Variants in HNF4A observed in about 807,000 individuals in gnomAD.
The protein encoded by HNF4A is hepatocyte nuclear factor 4 alpha.
Under a neutral mutation model 52.4 loss-of-function variants are expected in HNF4A, and 15 were observed. The observed-to-expected ratio is 0.29, with a 90% CI of 0.19 to 0.44. The LOEUF (loss-of-function observed/expected upper bound fraction) is 0.44, where lower values mean the gene tolerates loss of function less well. HNF4A is among the 20% of genes least tolerant of loss of function. The probability of loss-of-function intolerance (pLI) is 1.00; values close to 1 mark genes in which losing one functional copy is unlikely to be tolerated. For missense variants in HNF4A, 479 were observed against 647.2 expected (o/e 0.74, Z 2.82); for synonymous variants, 280 against 264.4 (o/e 1.06, Z -0.57).
At chr20:44,380,668 C>T (rs2063142469) in intron 1 of HNF4A, among the ~76,000 whole-genome samples, 1 of 152,116 alleles carries the variant, frequency 6.6e-6, no homozygotes, top group South Asian at 2.1e-4. Flanking sequence ...GGACATTAAC[C>T]CCTTATCAGA....
intron 1 of HNF4A, among the ~76,000 whole-genome samples, chr20:44,393,940 C>T (rs1260107351): frequency 1.3e-5 from 2 of 152,158 alleles, no homozygotes; most frequent in South Asian, 2.1e-4. Context: ...TGGTCTCAAA[C>T]TCTTGGGCTC....
intron 1 of HNF4A, among the ~76,000 whole-genome samples, chr20:44,361,310 G>C (rs1346956785): frequency 6.6e-6 from 1 of 152,104 alleles, no homozygotes; most frequent in Non-Finnish European, 1.5e-5. Context: ...GTTCAGTTGA[G>C]GTATGGAAAC....
intron 3 of HNF4A, 54 bp from the exon 4 acceptor site, chr20:44,413,640 C>A: frequency 7.5e-7 from 1 of 1,332,588 alleles, no homozygotes; most frequent in Non-Finnish European, 1.1e-6. Flanking sequence ...CAGACACCCC[C>A]ACCCCCTACT....
At chr20:44,381,790 T>C (rs1379259339) in intron 1 of HNF4A, among the ~76,000 whole-genome samples, 1 of 152,038 alleles carries the variant, frequency 6.6e-6, no homozygotes, top group East Asian at 1.9e-4. Context: ...TTTGTGTTTT[T>C]AGTAGAGACA....
In HNF4A at chr20:44,430,116, CT is replaced by C; in HGVS notation, c.*453del. 1 of 161,470 alleles carries C rather than the reference CT, an allele frequency of 6.2e-6. No individual in the cohort carries two copies. Among genetic ancestry groups the C allele is most frequent in the Non-Finnish European group, 1.3e-5 (1 of 74,304 alleles). The allele number at this position is 161,470 out of a possible 1,614,324, so 10.0% of individuals were successfully genotyped here. ...GGTCCAATTGTGGCACTTGGGGCAC[CT>C]TGCTCCTCCTTCTGCTGCTGCCCCC... On this transcript the variant is annotated 3_prime_UTR_variant, in exon 10 of 10. Transcript: ENST00000316099.
chr20:44,372,553 A>G (rs2063044356), intron 1 of HNF4A, among the ~76,000 whole-genome samples: 1 of 152,350 alleles, frequency 6.6e-6, no homozygotes, highest in African/African-American at 2.4e-5. Context: ...AGACATTCAC[A>G]TAAAACAATA....
At chr20:44,417,192 C>T (rs919137153) in intron 5 of HNF4A, among the ~76,000 whole-genome samples, 1 of 152,196 alleles carries the variant, frequency 6.6e-6, no homozygotes, top group Non-Finnish European at 1.5e-5. Flanking sequence ...GCTATGGAAC[C>T]TCCAAACTCC....
rs576913601 is a variant in HNF4A, at chr20:44,379,895, G to A, written c.49+24042G>A. Among the ~76,000 whole-genome samples, 22 of 152,104 alleles carry A rather than the reference G, an allele frequency of 1.4e-4. No homozygotes were observed. In the South Asian group the frequency reaches 2.5e-3, roughly 17 times the overall value. On this transcript the variant is annotated intron_variant, in intron 1 of 9. Coordinates refer to the HNF4A transcript ENST00000316673. The stretch of plus-strand genomic sequence containing the variant: ...ATTACAGATGCATGCCACCATGCCC[G>A]GCTAATTTTTGTATTTTTAGTAGAG...
Position 44,429,988 on chromosome 20 carries a change from A to G in HNF4A, c.*323A>G, listed in dbSNP as rs996009357. On this transcript the variant is annotated 3_prime_UTR_variant, in exon 10 of 10. Transcript: ENST00000316099. ...CATCCCAAAGGACAGCCGCCTGGAG[A>G]TGACTTGAGGCCTTACTTAAACCCA... 1 of 363,044 alleles carries G rather than the reference A, an allele frequency of 2.8e-6. No homozygotes were observed. The highest frequency in any genetic ancestry group is 5.8e-5 in the East Asian group (1 of 17,148). The allele number at this position is 363,044 out of a possible 1,614,324, so 22.5% of individuals were successfully genotyped here.
intron 6 of HNF4A, 57 bp from the exon 7 acceptor site, chr20:44,419,664 A>G: frequency 6.4e-7 from 1 of 1,569,480 alleles, no homozygotes; most frequent in South Asian, 1.1e-5. Flanking sequence ...CCAAAACTAG[A>G]GGAGAGGGGT....
intron 1 of HNF4A, among the ~76,000 whole-genome samples, chr20:44,403,201 C>G (rs905104174): frequency 6.6e-6 from 1 of 152,188 alleles, no homozygotes; most frequent in Non-Finnish European, 1.5e-5. Flanking sequence ...AGAGGCCAAG[C>G]CCCTGAACTG....
intron 1 of HNF4A, among the ~76,000 whole-genome samples, chr20:44,365,144 A>T (rs964260378): frequency 6.6e-5 from 10 of 152,136 alleles, no homozygotes; most frequent in African/African-American, 2.4e-4. Context: ...ACAATTTAAA[A>T]AAGTATCTTT....
chr20:44,380,394 A>T (rs1234158815), intron 1 of HNF4A, among the ~76,000 whole-genome samples: 2 of 152,090 alleles, frequency 1.3e-5, no homozygotes, highest in African/African-American at 4.8e-5. Context: ...TCCTTGACTC[A>T]AGTGGTCCTC....
At chr20:44,414,428 G>C in intron 4 of HNF4A, 79 bp from the exon 5 acceptor site, 1 of 1,602,102 alleles carries the variant, frequency 6.2e-7, no homozygotes, top group East Asian at 2.2e-5. Context: ...TGATTCCAGG[G>C]AGGGGGCTCT....
chr20:44,375,278 T>C (rs889238102), intron 1 of HNF4A, among the ~76,000 whole-genome samples: 2 of 151,774 alleles, frequency 1.3e-5, no homozygotes, highest in Non-Finnish European at 2.9e-5. Context: ...AGGTTCTAGC[T>C]CCTTGTAGAA....
intron 1 of HNF4A, among the ~76,000 whole-genome samples, chr20:44,358,426 A>G (rs1051356091): frequency 2.0e-5 from 3 of 151,864 alleles, no homozygotes; most frequent in Non-Finnish European, 4.4e-5. Flanking sequence ...CCTGGCCAAC[A>G]TGGCAAAACC....
chr20:44,429,701 C>A lies in HNF4A; in HGVS notation c.*36C>A, dbSNP rs2063855274. On this transcript the variant is annotated 3_prime_UTR_variant, in exon 10 of 10. Coordinates refer to ENST00000316099, the MANE Select transcript of HNF4A (RefSeq NM_000457.6). Reference sequence around the variant, plus strand: ...GGGCTTGGGGGCTCCACTGGCTCCCCCCAGCCCCCTAAGAGAGCACCTGGT... The same window carrying A: ...GGGCTTGGGGGCTCCACTGGCTCCCACCAGCCCCCTAAGAGAGCACCTGGT... 3 of 1,609,616 alleles carry A rather than the reference C, an allele frequency of 1.9e-6. No individual in the cohort carries two copies. Among genetic ancestry groups the A allele is most frequent in the African/African-American group, 1.3e-5 (1 of 74,924 alleles).
At chr20:44,355,780 G>A in exon 1 of HNF4A, 1 of 1,612,842 alleles carries the variant, frequency 6.2e-7, no homozygotes, top group Non-Finnish European at 8.5e-7. Flanking sequence ...CATGCCCCCA[G>A]CTCTCCGGCT....
chr20:44,433,573 C>G (rs926228212), downstream of HNF4A: 2 of 152,324 alleles, frequency 1.3e-5, no homozygotes, highest in African/African-American at 4.8e-5. Context: ...ACCAGCTACT[C>G]TGAAGGCTGA....
Sources: gnomAD v4.1 joint callset for allele counts (sites outside exome capture counted in the v4.1 genomes callset) on GRCh38, gnomAD v4.1.1 for gene constraint, MANE v1.5 for transcripts, NCBI Gene and HGNC (gene_info 2026-07-23, HGNC 2026-07-21) for gene names.